Variants in GAREM1 observed in about 807,000 individuals in gnomAD.
GAREM1 encodes the protein GRB2 associated regulator of MAPK1 subtype 1.
Under a neutral mutation model 71.3 loss-of-function variants are expected in GAREM1, and 26 were observed. The ratio of observed to expected loss-of-function variants is 0.36; its 90% CI spans 0.27 to 0.51. The LOEUF (loss-of-function observed/expected upper bound fraction) is 0.51, where lower values mean the gene tolerates loss of function less well. GAREM1 is among the 20% of genes least tolerant of loss of function. The pLI is 0.95. For missense variants in GAREM1, 1,026 were observed against 1,103.1 expected, an observed-to-expected ratio of 0.93 and a Z score of 0.99; for synonymous variants, 440 against 433.2, an observed-to-expected ratio of 1.02 and a Z score of -0.20.
At chr18:32,282,582 C>G (rs1359018626) in intron 4 of GAREM1, among the ~76,000 whole-genome samples, 4 of 152,142 alleles carry the variant, frequency 2.6e-5, no homozygotes, top group African/African-American at 7.2e-5. Context: ...GTCACCCAGG[C>G]TGGAGTATAG....
intron 2 of GAREM1, among the ~76,000 whole-genome samples, chr18:32,321,691 T>C (rs947007935): frequency 6.6e-6 from 1 of 152,192 alleles, no homozygotes; most frequent in Admixed American, 6.5e-5. Flanking sequence ...CCCTAATCTC[T>C]CACATTCAAT....
chr18:32,469,897 A>G (rs1173654664), intron 1 of GAREM1, among the ~76,000 whole-genome samples: 1 of 152,140 alleles, frequency 6.6e-6, no homozygotes, highest in African/African-American at 2.4e-5. Context: ...TGGGGGAGAT[A>G]GGGAGGAGAG....
intron 2 of GAREM1, among the ~76,000 whole-genome samples, chr18:32,363,433 T>C (rs934099164): frequency 5.9e-5 from 9 of 152,206 alleles, no homozygotes; most frequent in African/African-American, 2.2e-4. Context: ...CTTAAATTCT[T>C]GATGATATCT....
intron 1 of GAREM1, among the ~76,000 whole-genome samples, chr18:32,419,544 G>A (rs772830321): frequency 2.6e-5 from 4 of 152,160 alleles, no homozygotes; most frequent in Admixed American, 6.5e-5. Context: ...TACTGGCACT[G>A]TGATCCTGGA....
intron 2 of GAREM1, among the ~76,000 whole-genome samples, chr18:32,383,878 C>A (rs2048119907): frequency 6.6e-6 from 1 of 151,824 alleles, no homozygotes; most frequent in African/African-American, 2.4e-5. Context: ...TGCAAGGATT[C>A]TGAGTAAACA....
chr18:32,384,155 G>A (rs186657528), intron 2 of GAREM1, among the ~76,000 whole-genome samples: 1 of 152,188 alleles, frequency 6.6e-6, no homozygotes, highest in East Asian at 1.9e-4. Context: ...AACTGGGTCA[G>A]TCGCTAGAAA....
In GAREM1 at chr18:32,378,477, G is replaced by A. The variant is rs11873783; in HGVS notation, c.262+14418C>T. On this transcript the variant is annotated intron_variant, in intron 2 of 5. Transcript: ENST00000269209. The stretch of plus-strand genomic sequence containing the variant: ...ATCACACCACTGCATTCCAGCCTGG[G>A]CAACAGAGTCAGACTGTCTCCGAAA... 1.4e-3 allele frequency among the ~76,000 whole-genome samples: 210 copies of A among 149,168 alleles called. 1 individual carries two copies. Among genetic ancestry groups the A allele is most frequent in the African/African-American group, 4.9e-3 (199 of 40,380 alleles).
At chr18:32,315,016 G>A (rs1470875523) in intron 2 of GAREM1, among the ~76,000 whole-genome samples, 1 of 152,142 alleles carries the variant, frequency 6.6e-6, no homozygotes, top group Non-Finnish European at 1.5e-5. Context: ...TTAATTTATT[G>A]TAATTTTATG....
chr18:32,407,906 T>C (rs547949252), intron 1 of GAREM1, among the ~76,000 whole-genome samples: 1 of 152,070 alleles, frequency 6.6e-6, no homozygotes, highest in African/African-American at 2.4e-5. Flanking sequence ...AATTTAAATA[T>C]TGCAATGCCT....
chr18:32,368,775 T>A (rs750996070), intron 2 of GAREM1, among the ~76,000 whole-genome samples: 1 of 152,204 alleles, frequency 6.6e-6, no homozygotes, highest in Non-Finnish European at 1.5e-5. Flanking sequence ...ACACGCAACA[T>A]GAATGTGGCT....
Position 32,268,653 on chromosome 18 carries a change from C to G in GAREM1, c.1849G>C (p.Ala617Pro). The change falls in exon 6 of 6, where the codon GCT becomes CCT. Residue 617 changes from alanine to proline, a missense_variant. Around this residue, in one of 3 missense-constraint regions of GAREM1, gnomAD observed 636 missense variants for 631.2 expected, o/e 1.01. Transcript: ENST00000269209. The stretch of plus-strand genomic sequence containing the variant: ...GAGAGCCGAGAGGACACAGCTTCAG[C>G]AGAAGGACTTCCAAACGGGGATTTC... ...DLKSPFGSPS[A>P]EAVSSRLSWP... 6.2e-7 allele frequency: 1 copy of G among 1,614,184 alleles called. No homozygotes were observed. Among genetic ancestry groups the G allele is most frequent in the Non-Finnish European group, 8.5e-7 (1 of 1,180,036 alleles).
intron 1 of GAREM1, among the ~76,000 whole-genome samples, chr18:32,395,733 G>T (rs1016601817): frequency 2.6e-5 from 4 of 152,174 alleles, no homozygotes; most frequent in African/African-American, 9.7e-5. Flanking sequence ...CACCACCTAT[G>T]GGGGCAGGGC....
chr18:32,370,777 T>C (rs999676514), intron 2 of GAREM1, among the ~76,000 whole-genome samples: 13 of 152,338 alleles, frequency 8.5e-5, no homozygotes, highest in African/African-American at 2.4e-4. Context: ...ATACAGCCTA[T>C]TGGCGATCAG....
intron 3 of GAREM1, among the ~76,000 whole-genome samples, chr18:32,297,315 T>C (rs952445464): frequency 1.3e-4 from 20 of 152,246 alleles, no homozygotes; most frequent in African/African-American, 4.6e-4. Context: ...AAAATGCTTT[T>C]AGTTTTTTGA....
At chr18:32,436,534 G>A (rs938166720) in intron 1 of GAREM1, among the ~76,000 whole-genome samples, 15 of 152,208 alleles carry the variant, frequency 9.9e-5, no homozygotes, top group African/African-American at 3.6e-4. Context: ...TCTGTCTGTT[G>A]CTAAATACCA....
intron 4 of GAREM1, among the ~76,000 whole-genome samples, chr18:32,273,780 T>C (rs73956851): frequency 2.4e-3 from 371 of 151,988 alleles, no homozygotes; most frequent in African/African-American, 8.0e-3. Flanking sequence ...TTTTAGGAGA[T>C]GGGAAGTTGT....
intron 2 of GAREM1, among the ~76,000 whole-genome samples, chr18:32,333,029 T>G (rs966287088): frequency 6.6e-6 from 1 of 150,504 alleles, no homozygotes; most frequent in Non-Finnish European, 1.5e-5. Context: ...GAGATGATGA[T>G]AAAATAAAAA....
chr18:32,431,396 G>A (rs1485996992), intron 1 of GAREM1, among the ~76,000 whole-genome samples: 1 of 152,148 alleles, frequency 6.6e-6, no homozygotes, highest in Non-Finnish European at 1.5e-5. Context: ...TTGGGAGGCC[G>A]AGGCAGGCGG....
intron 2 of GAREM1, among the ~76,000 whole-genome samples, chr18:32,373,049 G>A (rs1366133112): frequency 1.3e-5 from 2 of 152,116 alleles, no homozygotes; most frequent in Non-Finnish European, 2.9e-5. Context: ...ATGCTTTTCT[G>A]TATTAATCAC....
Sources: allele counts gnomAD v4.1 joint callset (sites outside exome capture counted in the v4.1 genomes callset), GRCh38; gene constraint gnomAD v4.1.1; regional missense constraint gnomAD v4.1.1; transcripts MANE v1.5; gene names NCBI Gene and HGNC (gene_info 2026-07-23, HGNC 2026-07-21).